The following SOX5 variants were observed in gnomAD, a reference collection of about 807,000 sequenced individuals.
SOX5 encodes transcription factor SOX-5.
Under a neutral mutation model 92.0 loss-of-function variants are expected in SOX5, and 9 were observed. The ratio of observed to expected loss-of-function variants is 0.10; its 90% CI spans 0.06 to 0.17. The LOEUF is 0.17. SOX5 is among the 10% of genes least tolerant of loss of function. SOX5 has a pLI of 1.00. For synonymous variants in SOX5, 344 were observed against 336.3 expected (o/e 1.02, Z -0.25); for missense variants, 642 against 944.5 (o/e 0.68, Z 4.20).
chr12:23,684,445 C>T (rs2087172036), intron 6 of SOX5, among the ~76,000 whole-genome samples: 1 of 151,974 alleles, frequency 6.6e-6, no homozygotes, highest in East Asian at 1.9e-4. Context: ...GCTGGAACTT[C>T]CTAGTATTGC....
chr12:24,363,193 C>T (rs187554005), intron 2 of SOX5, among the ~76,000 whole-genome samples: 212 of 151,954 alleles, frequency 1.4e-3, no homozygotes, highest in African/African-American at 4.8e-3. Context: ...TTCCTGTTTG[C>T]GCTGCTTTTT....
At chr12:23,973,163 T>A (rs944597936) in intron 4 of SOX5, among the ~76,000 whole-genome samples, 1 of 145,292 alleles carries the variant, frequency 6.9e-6, no homozygotes, top group African/African-American at 2.5e-5. Flanking sequence ...CTTTTTTCTT[T>A]TTTTTTTTTT....
intron 1 of SOX5, among the ~76,000 whole-genome samples, chr12:24,527,071 C>T (rs978640657): frequency 3.9e-5 from 6 of 152,254 alleles, no homozygotes; most frequent in African/African-American, 1.4e-4. Flanking sequence ...GGATTACAGG[C>T]ATGAGCCACC....
intron 1 of SOX5, among the ~76,000 whole-genome samples, chr12:24,455,733 T>C (rs1490194662): frequency 2.0e-5 from 3 of 152,176 alleles, no homozygotes; most frequent in Admixed American, 1.3e-4. Context: ...CTTTCTAGAC[T>C]CACTCAGTAG....
intron 3 of SOX5, among the ~76,000 whole-genome samples, chr12:23,806,675 G>A (rs1161746809): frequency 6.6e-6 from 1 of 150,866 alleles, no homozygotes; most frequent in African/African-American, 2.4e-5. Flanking sequence ...AAAAGACAGG[G>A]ATTTATTAAG....
chr12:24,505,848 T>TGCGCGC (rs1566334085), intron 1 of SOX5, among the ~76,000 whole-genome samples: 1 of 141,088 alleles, frequency 7.1e-6, no homozygotes, highest in Admixed American at 7.3e-5. Flanking sequence ...TGTGTGTGTG[T>TGCGCGC]GTGTGCGTGT....
At chr12:23,795,432 C>G (rs2095545568) in intron 3 of SOX5, among the ~76,000 whole-genome samples, 1 of 152,064 alleles carries the variant, frequency 6.6e-6, no homozygotes, top group Admixed American at 6.6e-5. Flanking sequence ...CAACTATGTT[C>G]CTCAAATTTT....
chr12:24,043,337 G>GA (rs375787074), intron 4 of SOX5, among the ~76,000 whole-genome samples: 11 of 152,222 alleles, frequency 7.2e-5, no homozygotes, highest in Admixed American at 3.3e-4. Flanking sequence ...GAGAACACCA[G>GA]AAAAAACAAA....
At chr12:23,562,337 CT>C (rs1314735444) in intron 11 of SOX5, among the ~76,000 whole-genome samples, 2 of 152,194 alleles carry the variant, frequency 1.3e-5, no homozygotes, top group African/African-American at 2.4e-5. Context: ...AGATTGCCAG[CT>C]TCTTAGTGAT....
intron 4 of SOX5, among the ~76,000 whole-genome samples, chr12:24,155,551 C>T (rs1170568255): frequency 6.6e-6 from 1 of 152,106 alleles, no homozygotes; most frequent in African/African-American, 2.4e-5. Context: ...CAATCTAGGG[C>T]CCTTTCCTGC....
chr12:23,849,816 A>C (rs1052663081), intron 2 of SOX5, among the ~76,000 whole-genome samples: 3 of 152,226 alleles, frequency 2.0e-5, no homozygotes, highest in African/African-American at 7.2e-5. Context: ...TATTTAAACC[A>C]AATATATAGA....
At chr12:23,914,917 A>G (rs1387428985) in intron 1 of SOX5, among the ~76,000 whole-genome samples, 2 of 152,126 alleles carry the variant, frequency 1.3e-5, no homozygotes, top group African/African-American at 4.8e-5. Context: ...ATTGGATTGT[A>G]AACTCTGAGC....
At chr12:24,054,988 A>AT (rs1323185082) in intron 4 of SOX5, among the ~76,000 whole-genome samples, 1 of 152,156 alleles carries the variant, frequency 6.6e-6, no homozygotes, top group African/African-American at 2.4e-5. Flanking sequence ...TCCTGTACAC[A>AT]TTTTTTATAC....
intron 14 of SOX5, 139 bp from the exon 15 acceptor site, chr12:23,534,661 T>G: frequency 3.2e-6 from 2 of 629,958 alleles, no homozygotes; most frequent in Non-Finnish European, 5.4e-6. Flanking sequence ...TTTTTCAAAC[T>G]CCATCCTACT....
At chr12:24,561,626 G>A (rs2139092076) in intron 1 of SOX5, among the ~76,000 whole-genome samples, 1 of 152,198 alleles carries the variant, frequency 6.6e-6, no homozygotes, top group East Asian at 1.9e-4. Flanking sequence ...CACTGAGTGA[G>A]GTGGGGGGAA....
At chr12:24,191,565 G>C (rs1011425256) in intron 4 of SOX5, among the ~76,000 whole-genome samples, 1 of 152,172 alleles carries the variant, frequency 6.6e-6, no homozygotes, top group East Asian at 1.9e-4. Context: ...GACCAGATAC[G>C]TTCCTACAGA....
chr12:24,490,689 G>C (rs1946973778), intron 1 of SOX5, among the ~76,000 whole-genome samples: 1 of 151,920 alleles, frequency 6.6e-6, no homozygotes, highest in Admixed American at 6.6e-5. Context: ...TTTTTTAATG[G>C]TGTTGTGTGG....
Position 23,534,295 on chromosome 12 carries a change from T to C in SOX5, c.2216A>G (p.Tyr739Cys), listed in dbSNP as rs1265873434. Residue 739 changes from tyrosine to cysteine, a missense_variant, in exon 15 of 15, where the codon TAC becomes TGC. By Grantham distance (194) the Tyr-to-Cys change is radical. Transcript: ENST00000451604. ...EDINGEIYDE[Y>C]DEEEDDPDVD... ...ATCTGGATCATCCTCTTCCTCGTCG[T>C]ACTCATCATAAATTTCTCCATTGAT... 6.2e-7 allele frequency: 1 copy of C among 1,614,062 alleles called. No individual in the cohort carries two copies. The highest frequency in any genetic ancestry group is 8.5e-7 in the Non-Finnish European group (1 of 1,180,010).
intron 3 of SOX5, among the ~76,000 whole-genome samples, chr12:23,817,464 A>G (rs761783823): frequency 5.3e-5 from 8 of 152,198 alleles, no homozygotes; most frequent in Non-Finnish European, 1.2e-4. Context: ...TTTTCTCTGG[A>G]AGTTGTGAAT....
Sources: gnomAD v4.1 joint callset for allele counts (sites outside exome capture counted in the v4.1 genomes callset) on GRCh38, gnomAD v4.1.1 for gene constraint, MANE v1.5 for transcripts, NCBI Gene and HGNC (gene_info 2026-07-23, HGNC 2026-07-21) for gene names.